SPATA17: variants seen among roughly 807,000 people sequenced by gnomAD.
SPATA17 encodes spermatogenesis-associated protein 17.
SPATA17 carries 53 observed loss-of-function variants against 62.2 expected under a neutral mutation model. The ratio of observed to expected loss-of-function variants is 0.85; its 90% CI spans 0.68 to 1.07. The LOEUF is 1.07. SPATA17 is among the 50% of genes least tolerant of loss of function. The probability of loss-of-function intolerance (pLI) is 0.00; values close to 1 mark genes in which losing one functional copy is unlikely to be tolerated. For synonymous variants in SPATA17, 146 were observed against 146.8 expected (o/e 0.99, Z 0.04); for missense variants, 466 against 425.5 (o/e 1.10, Z -0.84).
At chr1:217,808,305 A>C (rs2102990694) in intron 9 of SPATA17, among the ~76,000 whole-genome samples, 2 of 152,036 alleles carry the variant, frequency 1.3e-5, no homozygotes, top group Admixed American at 1.3e-4. Context: ...CCAGTATTTC[A>C]GAGAGGAATA....
intron 9 of SPATA17, 54 bp downstream of exon 9, chr1:217,801,904 A>G: frequency 2.7e-6 from 4 of 1,478,594 alleles, no homozygotes; most frequent in Non-Finnish European, 2.7e-6. Context: ...CTAGAAATAT[A>G]CATTAATTAG....
chr1:217,705,587 T>C lies in SPATA17; in HGVS notation c.395+22226T>C, dbSNP rs185185784. Among the ~76,000 whole-genome samples, 1,025 of 151,818 alleles carry C rather than the reference T, an allele frequency of 6.8e-3. 3 individuals are homozygous for C. The highest frequency in any genetic ancestry group is 0.01 in the Non-Finnish European group (700 of 67,896). On this transcript the variant is annotated intron_variant, in intron 5 of 10. Transcript: ENST00000366933. ...TCCCAAGTAGCTGGGATTACAGGTGTGTGCCACTATGCCCAACTAATTTTT... is the reference window on the plus strand; with the variant it reads ...TCCCAAGTAGCTGGGATTACAGGTGCGTGCCACTATGCCCAACTAATTTTT...
At chr1:217,739,848 C>T (rs559276720) in intron 5 of SPATA17, among the ~76,000 whole-genome samples, 1 of 152,120 alleles carries the variant, frequency 6.6e-6, no homozygotes, top group African/African-American at 2.4e-5. Context: ...CAATTTGGAA[C>T]CTAAGAATTG....
At chr1:217,796,879 A>C (rs925225275) in intron 8 of SPATA17, among the ~76,000 whole-genome samples, 1 of 152,238 alleles carries the variant, frequency 6.6e-6, no homozygotes, top group Non-Finnish European at 1.5e-5. Flanking sequence ...GTAATGAAAA[A>C]TAGACTGTTA....
At chr1:217,798,658 C>T (rs1674217655) in intron 8 of SPATA17, among the ~76,000 whole-genome samples, 1 of 152,140 alleles carries the variant, frequency 6.6e-6, no homozygotes, top group Non-Finnish European at 1.5e-5. Context: ...AATACTGTGG[C>T]CAAGTCAGCC....
intron 5 of SPATA17, among the ~76,000 whole-genome samples, chr1:217,696,015 C>T (rs1671447572): frequency 6.6e-6 from 1 of 151,630 alleles, no homozygotes; most frequent in South Asian, 2.1e-4. Context: ...CTGTGGTGGG[C>T]TCCACCCAGT....
chr1:217,821,676 G>C (rs1402310217), intron 9 of SPATA17, among the ~76,000 whole-genome samples: 2 of 151,846 alleles, frequency 1.3e-5, no homozygotes, highest in South Asian at 4.2e-4. Context: ...ATGGGGTAAT[G>C]TATCTTTTAT....
chr1:217,752,250 A>G (rs1672931443), intron 6 of SPATA17, among the ~76,000 whole-genome samples: 2 of 151,300 alleles, frequency 1.3e-5, no homozygotes, highest in African/African-American at 4.9e-5. Flanking sequence ...CTGCTCTCAA[A>G]CTCCTGGCCT....
At chr1:217,848,306 C>T (rs1241261283) in intron 9 of SPATA17, among the ~76,000 whole-genome samples, 1 of 152,130 alleles carries the variant, frequency 6.6e-6, no homozygotes, top group Non-Finnish European at 1.5e-5. Context: ...AATAGGCTAT[C>T]TCTTGATTTA....
chr1:217,740,305 T>C (rs1217474648), intron 5 of SPATA17, among the ~76,000 whole-genome samples: 1 of 152,066 alleles, frequency 6.6e-6, no homozygotes, highest in Non-Finnish European at 1.5e-5. Context: ...CATGCATTTC[T>C]GAGTAATTAT....
intron 8 of SPATA17, among the ~76,000 whole-genome samples, chr1:217,785,836 G>A (rs966599521): frequency 6.6e-5 from 10 of 152,022 alleles, no homozygotes; most frequent in Non-Finnish European, 1.5e-4. Flanking sequence ...TAGCAAATAG[G>A]ACAATAATAA....
At chr1:217,749,345 C>T (rs945148482) in intron 6 of SPATA17, among the ~76,000 whole-genome samples, 2 of 152,258 alleles carry the variant, frequency 1.3e-5, no homozygotes, top group Middle Eastern at 3.4e-3. Flanking sequence ...GCCAATAGTA[C>T]CCTTATCTCC....
intron 6 of SPATA17, among the ~76,000 whole-genome samples, chr1:217,748,845 G>A (rs1465661668): frequency 5.3e-5 from 8 of 151,914 alleles, no homozygotes; most frequent in African/African-American, 1.9e-4. Flanking sequence ...CATATCAAGT[G>A]CTCAATACGT....
chr1:217,795,505 G>A (rs1674113352), intron 8 of SPATA17, among the ~76,000 whole-genome samples: 1 of 151,572 alleles, frequency 6.6e-6, no homozygotes, highest in African/African-American at 2.4e-5. Flanking sequence ...AAGTAGCTGG[G>A]ACTGCATGTG....
At chr1:217,857,123 A>C (rs1423597895) in intron 9 of SPATA17, among the ~76,000 whole-genome samples, 1 of 152,134 alleles carries the variant, frequency 6.6e-6, no homozygotes, top group East Asian at 1.9e-4. Flanking sequence ...TTTTCATCTT[A>C]TCTCTCTAAT....
intron 5 of SPATA17, among the ~76,000 whole-genome samples, chr1:217,713,445 A>G (rs757745099): frequency 1.1e-4 from 16 of 152,202 alleles, no homozygotes; most frequent in Non-Finnish European, 2.1e-4. Context: ...TGCAATGAAG[A>G]GATGACTCAT....
chr1:217,637,506 C>A (rs1308519977), intron 1 of SPATA17, among the ~76,000 whole-genome samples: 1 of 152,140 alleles, frequency 6.6e-6, no homozygotes. Context: ...TACTTCATTA[C>A]CCTGTAGCAA....
Position 217,782,250 on chromosome 1 carries a change from C to A in SPATA17, c.800C>A (p.Pro267Gln), listed in dbSNP as rs771896178. 6.2e-7 allele frequency: 1 copy of A among 1,612,808 alleles called. No homozygotes were observed. The highest frequency in any genetic ancestry group is 8.5e-7 in the Non-Finnish European group (1 of 1,179,308). The change falls in exon 8 of 11, where the codon CCA becomes CAA. Residue 267 changes from proline (P) to glutamine (Q), a missense_variant. Coordinates refer to ENST00000366933, the MANE Select transcript of SPATA17 (RefSeq NM_138796.4). ...PLEPTLRVAE[P>Q]IDELKLAREE... is the part of the protein sequence containing the mutation. The stretch of plus-strand genomic sequence containing the variant: ...GAGCCAACGTTGCGGGTGGCAGAAC[C>A]AATCGATGAGTTAAAGTTGGCCAGA...
chr1:217,721,669 G>A (rs1216134629), intron 5 of SPATA17, among the ~76,000 whole-genome samples: 1 of 152,066 alleles, frequency 6.6e-6, no homozygotes, highest in East Asian at 1.9e-4. Flanking sequence ...TTTTGATCTG[G>A]CTTATCCCTT....
Sources: gnomAD v4.1 joint callset for allele counts (sites outside exome capture counted in the v4.1 genomes callset) on GRCh38, gnomAD v4.1.1 for gene constraint, MANE v1.5 for transcripts, NCBI Gene and HGNC (gene_info 2026-07-23, HGNC 2026-07-21) for gene names.